The following KCMF1 variants were observed in gnomAD, a reference collection of about 807,000 sequenced individuals.
KCMF1 encodes the protein E3 ubiquitin-protein ligase KCMF1.
KCMF1 carries 3 observed loss-of-function variants against 41.1 expected under a neutral mutation model. The observed-to-expected ratio is 0.07, with a 90% confidence interval of 0.03 to 0.19. The LOEUF (loss-of-function observed/expected upper bound fraction) is 0.19. KCMF1 is among the 10% of genes least tolerant of loss of function. The probability of loss-of-function intolerance (pLI) is 1.00; values close to 1 mark genes in which losing one functional copy is unlikely to be tolerated. For missense variants in KCMF1, 286 were observed against 488.9 expected (o/e 0.58, Z 3.91); for synonymous variants, 142 against 164.5 (o/e 0.86, Z 1.04).
At chr2:85,002,280 T>C (rs1674354134) in intron 1 of KCMF1, among the ~76,000 whole-genome samples, 1 of 152,218 alleles carries the variant, frequency 6.6e-6, no homozygotes, top group Non-Finnish European at 1.5e-5. Flanking sequence ...CTATGAAATA[T>C]GCAGAAACCC....
chr2:85,012,590 C>A (rs1674678938), intron 1 of KCMF1, among the ~76,000 whole-genome samples: 1 of 152,118 alleles, frequency 6.6e-6, no homozygotes, highest in Non-Finnish European at 1.5e-5. Flanking sequence ...TCATCCTAAC[C>A]AACTGTTTAC....
intron 1 of KCMF1, among the ~76,000 whole-genome samples, chr2:85,005,723 A>T (rs752800647): frequency 6.6e-6 from 1 of 152,014 alleles, no homozygotes; most frequent in African/African-American, 2.4e-5. Flanking sequence ...GTTTCCCAGG[A>T]TGTTCTCAAA....
At chr2:85,016,909 C>T (rs1185057455) in intron 1 of KCMF1, among the ~76,000 whole-genome samples, 7 of 152,042 alleles carry the variant, frequency 4.6e-5, no homozygotes, top group African/African-American at 4.8e-5. Flanking sequence ...AGGCTGGTCT[C>T]GAACCCCTGA....
intron 1 of KCMF1, among the ~76,000 whole-genome samples, chr2:85,005,452 C>T (rs955855614): frequency 1.3e-5 from 2 of 151,166 alleles, no homozygotes; most frequent in Non-Finnish European, 2.9e-5. Context: ...CCACACCCAA[C>T]TAATTTTTTG....
At chr2:84,992,727 G>A (rs1450534521) in intron 1 of KCMF1, among the ~76,000 whole-genome samples, 2 of 151,336 alleles carry the variant, frequency 1.3e-5, no homozygotes, top group Non-Finnish European at 2.9e-5. Flanking sequence ...CCGCCTCCTG[G>A]GTTCATGCCA....
intron 1 of KCMF1, among the ~76,000 whole-genome samples, chr2:85,005,061 C>T (rs915690386): frequency 2.1e-4 from 32 of 152,154 alleles, no homozygotes; most frequent in African/African-American, 6.7e-4. Flanking sequence ...CACCTGCCAC[C>T]GTGCCCAGCT....
chr2:85,030,012 CT>C (rs1325092699), intron 2 of KCMF1, among the ~76,000 whole-genome samples: 2 of 152,106 alleles, frequency 1.3e-5, no homozygotes, highest in Non-Finnish European at 2.9e-5. Context: ...CTAGCCCACA[CT>C]TTTTGTCCTT....
chr2:85,008,253 T>TC (rs1451239494), intron 1 of KCMF1, among the ~76,000 whole-genome samples: 4 of 94,628 alleles, frequency 4.2e-5, no homozygotes, highest in Non-Finnish European at 8.1e-5. Context: ...ATATGATATA[T>TC]ATTATATATC....
At chr2:85,003,491 A>G (rs987158396) in intron 1 of KCMF1, among the ~76,000 whole-genome samples, 7 of 151,428 alleles carry the variant, frequency 4.6e-5, no homozygotes, top group Non-Finnish European at 1.0e-4. Context: ...AAAAAAAATA[A>G]GTCTTGTTTT....
chr2:85,022,068 C>T (rs140908821), intron 1 of KCMF1, among the ~76,000 whole-genome samples: 2,782 of 152,224 alleles, frequency 0.018, 48 homozygotes, highest in Non-Finnish European at 0.024. Flanking sequence ...CCACCTGCCT[C>T]GGCCTCCCAA....
intron 1 of KCMF1, among the ~76,000 whole-genome samples, chr2:85,013,285 T>C (rs949375474): frequency 2.0e-5 from 3 of 152,206 alleles, no homozygotes; most frequent in African/African-American, 7.2e-5. Context: ...TCTTAAAATA[T>C]AGACCCAGGG....
At chr2:85,037,285 C>T (rs1382954262) in intron 3 of KCMF1, among the ~76,000 whole-genome samples, 2 of 152,116 alleles carry the variant, frequency 1.3e-5, no homozygotes, top group African/African-American at 4.8e-5. Flanking sequence ...CCCACCCATA[C>T]ACCTAGACAT....
chr2:85,008,354 A>ATC lies in KCMF1; in HGVS notation c.17-19535_17-19534insTC, dbSNP rs1394581511. Reference sequence around the variant, plus strand: ...ATATATAATATGATATATAATATATAATATATATTATATATCATATGATAT... The same window carrying ATC: ...ATATATAATATGATATATAATATATATCATATATATTATATATCATATGATAT... On this transcript the variant is annotated intron_variant, in intron 1 of 6. Coordinates refer to ENST00000409785, the MANE Select transcript of KCMF1 (RefSeq NM_020122.5). Among the ~76,000 whole-genome samples, 86 of 56,416 alleles carry ATC rather than the reference A, an allele frequency of 1.5e-3. 1 individual carries two copies. The highest frequency in any genetic ancestry group is 6.5e-3 in the African/African-American group (75 of 11,518). The allele number at this position is 56,416 out of a possible 152,430, so 37.0% of individuals were successfully genotyped here.
In KCMF1 at chr2:85,056,241, G is replaced by A. The variant is rs1266932189; in HGVS notation, c.*2832G>A. 6.6e-6 allele frequency: 1 copy of A among 151,954 alleles called. No individual in the cohort carries two copies. The highest frequency in any genetic ancestry group is 1.5e-5 in the Non-Finnish European group (1 of 67,986). 9.4% of individuals were successfully genotyped at this position (151,954 alleles called of 1,614,324 possible). A position where few individuals can be genotyped will look rare whatever the true frequency, so the allele number is the denominator to read the frequency against. On this transcript the variant is annotated 3_prime_UTR_variant, in exon 7 of 7. Coordinates refer to ENST00000409785, the MANE Select transcript of KCMF1 (RefSeq NM_020122.5). ...TGTGGCCCCCAGAGAAATGAAGTAG[G>A]ATAGCAGATTACACTATTAGAAATA... is the stretch of plus-strand genomic sequence containing the variant.
intron 1 of KCMF1, among the ~76,000 whole-genome samples, chr2:85,023,290 A>T (rs1198920326): frequency 6.8e-6 from 1 of 147,456 alleles, no homozygotes; most frequent in African/African-American, 2.5e-5. Context: ...TGCATATTGA[A>T]CTGTTGAGCC....
chr2:85,041,583 C>T (rs1365467466), intron 3 of KCMF1, among the ~76,000 whole-genome samples: 1 of 152,060 alleles, frequency 6.6e-6, no homozygotes, highest in Non-Finnish European at 1.5e-5. Context: ...AAGAAAGATG[C>T]CTTTTCCTTT....
intron 1 of KCMF1, among the ~76,000 whole-genome samples, chr2:84,977,596 T>C (rs1371476951): frequency 6.6e-6 from 1 of 151,656 alleles, no homozygotes; most frequent in African/African-American, 2.4e-5. Flanking sequence ...TTTTTTTTTT[T>C]CTTTTTTGTA....
intron 1 of KCMF1, among the ~76,000 whole-genome samples, chr2:85,018,329 G>A (rs1204178352): frequency 1.4e-5 from 2 of 144,858 alleles, no homozygotes; most frequent in African/African-American, 5.1e-5. Flanking sequence ...GGAGTGCAGT[G>A]CGCAAACTCG....
chr2:84,992,032 A>AT (rs1173855514), intron 1 of KCMF1, among the ~76,000 whole-genome samples: 1 of 152,188 alleles, frequency 6.6e-6, no homozygotes, highest in Non-Finnish European at 1.5e-5. Context: ...TTTTCCTGAG[A>AT]TAATGAGTAG....
Sources: allele counts gnomAD v4.1 joint callset (sites outside exome capture counted in the v4.1 genomes callset), GRCh38; gene constraint gnomAD v4.1.1; transcripts MANE v1.5; gene names NCBI Gene and HGNC (gene_info 2026-07-23, HGNC 2026-07-21).